Variants in BCAS3 observed in about 807,000 individuals in gnomAD.
BCAS3 encodes BCAS4/BCAS3 fusion.
A neutral mutation model predicts 116.1 loss-of-function variants in BCAS3; 53 were observed. The observed-to-expected ratio is 0.46, with a 90% confidence interval of 0.37 to 0.57. The LOEUF (loss-of-function observed/expected upper bound fraction) is 0.57, where lower values mean the gene tolerates loss of function less well. Among genes scored for constraint, BCAS3 ranks in the 20% least tolerant of loss-of-function variants. BCAS3 has a pLI of 0.00. For missense variants in BCAS3, 917 were observed against 1,165.4 expected, an observed-to-expected ratio of 0.79 and a Z score of 3.10; for synonymous variants, 391 against 408.2, an observed-to-expected ratio of 0.96 and a Z score of 0.51.
Position 61,285,757 on chromosome 17 carries a change from C to CA in BCAS3, c.2426-82570_2426-82569insA. ...TATCCAGGAGACAAGAGACTAGGAG[C>CA]TAGGAGCTGCGGATCTGCAGTTTCC... On this transcript the variant is annotated intron_variant, in intron 22 of 23. Transcript: ENST00000407086. The surrounding 1 kb of genome is among the most constrained non-coding windows in gnomAD (Gnocchi z 5.4). 6.6e-6 allele frequency among the ~76,000 whole-genome samples: 1 copy of CA among 152,300 alleles called. No homozygotes were observed. The highest frequency in any genetic ancestry group is 1.5e-5 in the Non-Finnish European group (1 of 68,024).
At chr17:61,288,951 A>C (rs57292455) in intron 22 of BCAS3, among the ~76,000 whole-genome samples, 9,784 of 152,284 alleles carry the variant, frequency 0.064, 1,056 homozygotes, top group African/African-American at 0.22. Context: ...ATTTATCTAT[A>C]ACCAATACAA....
intron 22 of BCAS3, among the ~76,000 whole-genome samples, chr17:61,294,206 A>C (rs1359056954): frequency 6.6e-6 from 1 of 152,188 alleles, no homozygotes; most frequent in South Asian, 2.1e-4. Flanking sequence ...TTAAACTTAT[A>C]ATGGAGTTAC....
At chr17:60,757,289 T>C (rs780718493) in intron 6 of BCAS3, among the ~76,000 whole-genome samples, 7 of 151,196 alleles carry the variant, frequency 4.6e-5, no homozygotes, top group Non-Finnish European at 8.8e-5. Flanking sequence ...CATTCCAGCC[T>C]GGGCGACAGA....
chr17:61,270,992 C>T (rs926573431), intron 22 of BCAS3, among the ~76,000 whole-genome samples: 19 of 151,582 alleles, frequency 1.3e-4, no homozygotes, highest in Non-Finnish European at 1.2e-4. Context: ...CTCCTGATCT[C>T]GTGATCCGCC....
At chr17:60,803,026 T>G (rs758238749) in intron 6 of BCAS3, among the ~76,000 whole-genome samples, 1 of 152,316 alleles carries the variant, frequency 6.6e-6, no homozygotes, top group South Asian at 2.1e-4. Flanking sequence ...CTTGTTAACA[T>G]GTCCCAGAAA....
intron 6 of BCAS3, among the ~76,000 whole-genome samples, chr17:60,760,024 G>C (rs2043363905): frequency 1.3e-5 from 2 of 152,154 alleles, no homozygotes; most frequent in Admixed American, 1.3e-4. Flanking sequence ...GTTTCTATTT[G>C]GATGGAGTAT....
At position 61,220,054 on chromosome 17, in the gene BCAS3, G is replaced by A. The variant is rs1159568221; in HGVS notation, c.2425+135490G>A. The stretch of plus-strand genomic sequence containing the variant: ...CTCACGCCTGTAATCCCAGCACTTT[G>A]GGAGGTTGAGGTGGGCAGATCACAC... On this transcript the variant is annotated intron_variant, in intron 22 of 23. Transcript: ENST00000407086. The surrounding 1 kb of genome is among the most constrained non-coding windows in gnomAD (Gnocchi z 4.5). Among the ~76,000 whole-genome samples, 1 of 152,184 alleles carries A rather than the reference G, an allele frequency of 6.6e-6. No individual in the cohort carries two copies. Among genetic ancestry groups the A allele is most frequent in the Non-Finnish European group, 1.5e-5 (1 of 68,036 alleles).
At chr17:60,878,862 GATTT>G (rs2055860554) in intron 9 of BCAS3, among the ~76,000 whole-genome samples, 1 of 152,122 alleles carries the variant, frequency 6.6e-6, no homozygotes, top group East Asian at 1.9e-4. Context: ...CCTCTAAAGT[GATTT>G]ATATCAATAT....
chr17:60,908,676 T>C (rs6504005), intron 11 of BCAS3, among the ~76,000 whole-genome samples: 47,220 of 152,140 alleles, frequency 0.31, 12,411 homozygotes, highest in African/African-American at 0.72. Context: ...TTGAGGAACG[T>C]TGATGTGTTT....
chr17:61,246,117 C>A lies in BCAS3; in HGVS notation c.2426-122210C>A, dbSNP rs1005457663. ...TCTCTTCTATCCTGGGAGAGTCTTA[C>A]AACTATCACGACCTCATAACTGATC... On this transcript the variant is annotated intron_variant, in intron 22 of 23. Coordinates refer to ENST00000407086, the MANE Select transcript of BCAS3 (RefSeq NM_017679.5). Among the ~76,000 whole-genome samples the A allele has an allele frequency of 2.0e-5, 3 of 152,230 alleles. No individual in the cohort carries two copies. In the South Asian group the frequency reaches 6.2e-4, roughly 32 times the overall value.
At chr17:61,147,083 T>C (rs998379328) in intron 22 of BCAS3, among the ~76,000 whole-genome samples, 1 of 149,290 alleles carries the variant, frequency 6.7e-6, no homozygotes, top group Non-Finnish European at 1.5e-5. Context: ...CCTGGCTAAT[T>C]TTTTTTTTTG....
intron 7 of BCAS3, among the ~76,000 whole-genome samples, chr17:60,859,719 C>T (rs916858531): frequency 9.2e-5 from 14 of 151,898 alleles, no homozygotes; most frequent in Non-Finnish European, 1.3e-4. Flanking sequence ...CAGGTGTGCA[C>T]GACCACGCCC....
intron 6 of BCAS3, among the ~76,000 whole-genome samples, chr17:60,778,039 T>C (rs1413075383): frequency 1.3e-5 from 2 of 152,208 alleles, no homozygotes; most frequent in African/African-American, 4.8e-5. Context: ...CTTTTGCTAA[T>C]TACTGTTGAG....
intron 13 of BCAS3, among the ~76,000 whole-genome samples, chr17:60,940,435 A>T (rs1006195735): frequency 1.3e-5 from 2 of 152,186 alleles, no homozygotes; most frequent in African/African-American, 4.8e-5. Flanking sequence ...TGCTGCCCAT[A>T]TGGAGACTTT....
chr17:60,938,708 TAGA>T (rs976729679), intron 13 of BCAS3, among the ~76,000 whole-genome samples: 4 of 132,722 alleles, frequency 3.0e-5, no homozygotes, highest in Admixed American at 1.5e-4. Context: ...AAATTTCTGA[TAGA>T]AGATAGATAG....
intron 15 of BCAS3, among the ~76,000 whole-genome samples, chr17:60,992,861 T>C (rs748848123): frequency 2.0e-5 from 3 of 152,176 alleles, no homozygotes; most frequent in Non-Finnish European, 4.4e-5. Flanking sequence ...GTATAGGTTC[T>C]TTGGGGGCTT....
rs976499690 is a variant in BCAS3, at chr17:61,136,103, C to T, written c.2425+51539C>T. The stretch of plus-strand genomic sequence containing the variant: ...CCGCGACCGGCAGCCTGAGCTCTAA[C>T]AATTCTCAACTACTAGCACCTCTTA... On this transcript the variant is annotated intron_variant, in intron 22 of 23. Transcript: ENST00000407086. This position sits in a 1 kb window ranked among gnomAD's most constrained non-coding sequence, Gnocchi z 4.4. 3 of 153,710 alleles carry T rather than the reference C, an allele frequency of 2.0e-5. No individual in the cohort carries two copies. In the Admixed American group the frequency reaches 2.0e-4, roughly 10 times the overall value. The allele number at this position is 153,710 out of a possible 1,614,324, so 9.5% of individuals were successfully genotyped here.
At chr17:61,108,168 T>A (rs1387885591) in intron 22 of BCAS3, among the ~76,000 whole-genome samples, 1 of 152,220 alleles carries the variant, frequency 6.6e-6, no homozygotes, top group East Asian at 1.9e-4. Context: ...ATATAATGTC[T>A]TTCTCTTATC....
rs573757931 is a variant in BCAS3, at chr17:61,346,161, G to A, written c.2426-22166G>A. On this transcript the variant is annotated intron_variant, in intron 22 of 23. Coordinates refer to ENST00000407086, the MANE Select transcript of BCAS3 (RefSeq NM_017679.5). This position sits in a 1 kb window ranked among gnomAD's most constrained non-coding sequence, Gnocchi z 5.4. ...GGAGTTGACTTAGAAGGCCTGCAGA[G>A]TCCAGTGACAAGGATGTTTGGGACA... Among the ~76,000 whole-genome samples the A allele has an allele frequency of 1.3e-5, 2 of 152,314 alleles. No homozygotes were observed. The highest frequency in any genetic ancestry group is 4.1e-4 in the South Asian group (2 of 4,826).
Sources: allele counts gnomAD v4.1 joint callset (sites outside exome capture counted in the v4.1 genomes callset), GRCh38; gene constraint gnomAD v4.1.1; non-coding constraint Gnocchi (gnomAD v3.1); transcripts MANE v1.5; gene names NCBI Gene and HGNC (gene_info 2026-07-23, HGNC 2026-07-21).